Variants in GMEB2 observed in about 807,000 individuals in gnomAD.
GMEB2 encodes the protein glucocorticoid modulatory element binding protein 2, also known as glucocorticoid modulatory element-binding protein 2.
A neutral mutation model predicts 45.7 loss-of-function variants in GMEB2; 7 were observed. That is an observed-to-expected ratio of 0.15 (90% confidence interval 0.09 to 0.29). The LOEUF (loss-of-function observed/expected upper bound fraction) is 0.29. Among genes scored for constraint, GMEB2 ranks in the 10% least tolerant of loss-of-function variants. GMEB2 has a pLI of 1.00. For missense variants in GMEB2, 582 were observed against 739.2 expected, an observed-to-expected ratio of 0.79 and a Z score of 2.47; for synonymous variants, 322 against 323.6, an observed-to-expected ratio of 1.00 and a Z score of 0.05.
intron 4 of GMEB2, among the ~76,000 whole-genome samples, chr20:63,601,949 G>A (rs1290031982): frequency 6.6e-6 from 1 of 150,818 alleles, no homozygotes; most frequent in African/African-American, 2.4e-5. Flanking sequence ...GGCTTCTGTG[G>A]GGCCTGTGGC....
At position 63,588,877 on chromosome 20, in the gene GMEB2, C is replaced by T. The variant is rs2083117818; in HGVS notation, c.*1212G>A. On this transcript the variant is annotated 3_prime_UTR_variant, in exon 10 of 10. Coordinates refer to ENST00000370077, the MANE Select transcript of GMEB2 (RefSeq NM_012384.5). ...TGGCCTGGAGGGGCCTCAGCCTGGT[C>T]TTCCTTGTGAGTCCAAGGCCAGGTC... 5.0e-6 allele frequency: 2 copies of T among 398,692 alleles called. No individual in the cohort carries two copies. The highest frequency in any genetic ancestry group is 8.8e-6 in the Non-Finnish European group (2 of 226,114). The allele number at this position is 398,692 out of a possible 1,614,324, so 24.7% of individuals were successfully genotyped here.
chr20:63,625,410 T>C (rs1308138874), intron 1 of GMEB2, among the ~76,000 whole-genome samples: 1 of 151,302 alleles, frequency 6.6e-6, no homozygotes, highest in African/African-American at 2.4e-5. Context: ...TGACCTCCAG[T>C]GATCCTCCCA....
Position 63,592,031 on chromosome 20 carries a change from C to T in GMEB2, c.943G>A (p.Asp315Asn), listed in dbSNP as rs1214049137. 1 of 1,611,054 alleles carries T rather than the reference C, an allele frequency of 6.2e-7. No individual in the cohort carries two copies. The highest frequency in any genetic ancestry group is 8.5e-7 in the Non-Finnish European group (1 of 1,179,686). Residue 315 changes from aspartate to asparagine, a missense_variant, in exon 9 of 10, where the codon GAC (aspartate) becomes AAC (asparagine). Transcript: ENST00000370077. This position sits in a 1 kb window ranked among gnomAD's most constrained non-coding sequence, Gnocchi z 8.2. ...GGTGGTCTCAGCATACCTGCCAGGT[C>T]CCGGGCGTACTGCTCCCGCGAGCGG... is the stretch of plus-strand genomic sequence containing the variant. ...MDRSREQYARDLAALEQQCDE... is the reference protein window; with the variant it reads ...MDRSREQYARNLAALEQQCDE...
chr20:63,600,474 T>A (rs987231013), intron 4 of GMEB2, among the ~76,000 whole-genome samples: 7 of 151,356 alleles, frequency 4.6e-5, no homozygotes, highest in Non-Finnish European at 7.4e-5. Context: ...TCCCAGCACT[T>A]TGGGAGGCCA....
Position 63,592,264 on chromosome 20 carries a change from G to A in GMEB2, c.830-120C>T, listed in dbSNP as rs2083153824. On this transcript the variant is annotated intron_variant, in intron 8 of 9. Coordinates refer to ENST00000370077, the MANE Select transcript of GMEB2 (RefSeq NM_012384.5). This position sits in a 1 kb window ranked among gnomAD's most constrained non-coding sequence, Gnocchi z 8.2. The stretch of plus-strand genomic sequence containing the variant: ...CACGTGGACGCTCGGTGAGAGCCTG[G>A]GCTCTTCCTAGAGAGTGAGAACACC... 2 of 959,538 alleles carry A rather than the reference G, an allele frequency of 2.1e-6. No individual in the cohort carries two copies. The highest frequency in any genetic ancestry group is 3.1e-6 in the Non-Finnish European group (2 of 644,148). The allele number at this position is 959,538 out of a possible 1,614,324, so 59.4% of individuals were successfully genotyped here.
rs1219814513 is a variant in GMEB2 at position 63,627,011 on chromosome 20, T to TGCGGCGGCGGCGGGCG, written c.-129_-114dup. The TGCGGCGGCGGCGGGCG allele has an allele frequency of 6.8e-6, 1 of 146,168 alleles. No individual in the cohort carries two copies. Among genetic ancestry groups the TGCGGCGGCGGCGGGCG allele is most frequent in the African/African-American group, 2.5e-5 (1 of 39,742 alleles). The allele number at this position is 146,168 out of a possible 1,614,324, so 9.1% of individuals were successfully genotyped here. A position where few individuals can be genotyped will look rare whatever the true frequency, so the allele number is the denominator to read the frequency against. ...CGGCGGGGGCGGCGGCGTCGGGAGC[T>TGCGGCGGCGGCGGGCG]GCGGCGGCGGCGGGCGGCGGCGGCG... On this transcript the variant is annotated 5_prime_UTR_variant, in exon 1 of 10. Coordinates refer to ENST00000370077, the MANE Select transcript of GMEB2 (RefSeq NM_012384.5).
chr20:63,614,217 C>T (rs957721934), intron 2 of GMEB2, among the ~76,000 whole-genome samples: 3 of 152,024 alleles, frequency 2.0e-5, no homozygotes, highest in Non-Finnish European at 4.4e-5. Flanking sequence ...TAGTTTGTAG[C>T]AATTACTCTT....
intron 1 of GMEB2, among the ~76,000 whole-genome samples, chr20:63,620,472 G>T (rs1259690319): frequency 1.3e-5 from 2 of 152,162 alleles, no homozygotes; most frequent in Non-Finnish European, 2.9e-5. Flanking sequence ...TGGGGGAGGC[G>T]ACAAGAGGAG....
chr20:63,588,387 G>A lies in GMEB2; in HGVS notation c.*1702C>T, dbSNP rs3810492. On this transcript the variant is annotated 3_prime_UTR_variant, in exon 10 of 10. Coordinates refer to ENST00000370077, the MANE Select transcript of GMEB2 (RefSeq NM_012384.5). ...GGTTCTGAGCTGGTGGGTGGGGGCC[G>A]CAGGGCTCTCCTGACCCCCGTAGGG... 0.19 allele frequency: 32,820 copies of A among 172,908 alleles called. 3,968 individuals carry two copies. The highest frequency in any genetic ancestry group is 0.54 in the East Asian group (3,556 of 6,608). The allele number at this position is 172,908 out of a possible 1,614,324, so 10.7% of individuals were successfully genotyped here. A position where few individuals can be genotyped will look rare whatever the true frequency, so the allele number is the denominator to read the frequency against.
rs372654768 is a variant in GMEB2, at chr20:63,626,230, A to ATCACTGTGGGTCTCGACCCTGTGGGGTGG, written c.-58+725_-58+726insCCACCCCACAGGGTCGAGACCCACAGTGA. On this transcript the variant is annotated intron_variant, in intron 1 of 9. Transcript: ENST00000370077. ...CCTGAGAGTGGGTCCCAGTGGGGTGATCCCTGCGGGTCGCGTCCCTGCGAG... is the reference window on the plus strand; with the variant it reads ...CCTGAGAGTGGGTCCCAGTGGGGTGATCACTGTGGGTCTCGACCCTGTGGGGTGGTCCCTGCGGGTCGCGTCCCTGCGAG... Among the ~76,000 whole-genome samples, 44 of 146,882 alleles carry ATCACTGTGGGTCTCGACCCTGTGGGGTGG rather than the reference A, an allele frequency of 3.0e-4. 2 individuals carry two copies. The highest frequency in any genetic ancestry group is 2.8e-3 in the Admixed American group (42 of 14,874).
At chr20:63,621,939 C>T (rs948368666) in intron 1 of GMEB2, among the ~76,000 whole-genome samples, 5 of 151,690 alleles carry the variant, frequency 3.3e-5, no homozygotes, top group African/African-American at 1.2e-4. Context: ...GCCTGGGCAA[C>T]ACAGCAACAC....
intron 9 of GMEB2, 130 bp from the exon 10 acceptor site, chr20:63,590,859 G>A (rs554791467): frequency 4.0e-6 from 2 of 500,078 alleles, no homozygotes; most frequent in Admixed American, 4.0e-5. Flanking sequence ...CTGCTCACCT[G>A]ATGCCACAAA....
At chr20:63,614,943 C>A (rs1391395715) in intron 2 of GMEB2, among the ~76,000 whole-genome samples, 1 of 152,176 alleles carries the variant, frequency 6.6e-6, no homozygotes, top group Non-Finnish European at 1.5e-5. Context: ...GCATTCGGGG[C>A]CGCTACCAGT....
Position 63,609,451 on chromosome 20 carries a change from C to T in GMEB2, c.132-4611G>A, listed in dbSNP as rs1332026267. On this transcript the variant is annotated intron_variant, in intron 2 of 9. Coordinates refer to ENST00000370077, the MANE Select transcript of GMEB2 (RefSeq NM_012384.5). The stretch of plus-strand genomic sequence containing the variant: ...TTTCTAGAAACATGCCCCTCTCACC[C>T]CACATCCATTTCTAGAAACATGTCC... 3.9e-3 allele frequency among the ~76,000 whole-genome samples: 353 copies of T among 89,638 alleles called. 2 individuals are homozygous for T. The highest frequency in any genetic ancestry group is 6.9e-3 in the Non-Finnish European group (253 of 36,574). 58.8% of individuals were successfully genotyped at this position (89,638 alleles called of 152,430 possible).
At chr20:63,623,404 G>A (rs767632227) in intron 1 of GMEB2, among the ~76,000 whole-genome samples, 41 of 152,088 alleles carry the variant, frequency 2.7e-4, no homozygotes, top group Non-Finnish European at 1.0e-4. Flanking sequence ...TTACACTGGC[G>A]GAATTACTTC....
chr20:63,595,822 T>C, intron 5 of GMEB2, 55 bp from the exon 6 acceptor site: 1 of 1,566,960 alleles, frequency 6.4e-7, no homozygotes, highest in Non-Finnish European at 8.8e-7. Flanking sequence ...CGAAGGCACC[T>C]GGCCCGCCCA....
At chr20:63,621,667 C>CAAAAAAAAAAAAAAA (rs56222018) in intron 1 of GMEB2, among the ~76,000 whole-genome samples, 1 of 54,638 alleles carries the variant, frequency 1.8e-5, no homozygotes, top group Non-Finnish European at 3.0e-5. Context: ...AACTCCATCT[C>CAAAAAAAAAAAAAAA]AAAAAAAAAA....
At chr20:63,610,042 C>A (rs995001892) in intron 2 of GMEB2, among the ~76,000 whole-genome samples, 1 of 152,220 alleles carries the variant, frequency 6.6e-6, no homozygotes, top group Non-Finnish European at 1.5e-5. Flanking sequence ...TGTTCCCACA[C>A]TGGCATGAGG....
chr20:63,595,198 G>A (rs921818973), intron 6 of GMEB2, among the ~76,000 whole-genome samples: 7 of 151,774 alleles, frequency 4.6e-5, no homozygotes, highest in South Asian at 2.1e-4. Flanking sequence ...CACCCAGCAC[G>A]GAAGGCGGGA....
Sources: allele counts gnomAD v4.1 joint callset (sites outside exome capture counted in the v4.1 genomes callset), GRCh38; gene constraint gnomAD v4.1.1; non-coding constraint Gnocchi (gnomAD v3.1); transcripts MANE v1.5; gene names NCBI Gene and HGNC (gene_info 2026-07-23, HGNC 2026-07-21).